Variants in ENPP3 observed in about 807,000 individuals in gnomAD.
ENPP3 encodes the protein ectonucleotide pyrophosphatase/phosphodiesterase 3, also known as ectonucleotide pyrophosphatase/phosphodiesterase family member 3.
In ENPP3, 104 loss-of-function variants were observed where a neutral mutation model predicts 117.8. The ratio of observed to expected loss-of-function variants is 0.88; its 90% CI spans 0.75 to 1.04. ENPP3 has a LOEUF of 1.04. Ranked by LOEUF, ENPP3 falls within the 50% of genes least tolerant of loss-of-function variation. The pLI is 0.00. For missense variants in ENPP3, 1,026 were observed against 1,051.9 expected (o/e 0.98, Z 0.34); for synonymous variants, 380 against 349.9 (o/e 1.09, Z -0.96).
chr6:131,702,146 G>A (rs1234776303), intron 15 of ENPP3, among the ~76,000 whole-genome samples: 1 of 151,970 alleles, frequency 6.6e-6, no homozygotes, highest in Non-Finnish European at 1.5e-5. Context: ...TTCCTTGGTC[G>A]TATTATTCAG....
At chr6:131,725,495 T>C (rs1364006969) in intron 19 of ENPP3, among the ~76,000 whole-genome samples, 4 of 152,240 alleles carry the variant, frequency 2.6e-5, no homozygotes, top group Non-Finnish European at 4.4e-5. Context: ...CATGGGGGTC[T>C]TATATCATGC....
At chr6:131,742,345 G>C (rs1020346788) in intron 24 of ENPP3, among the ~76,000 whole-genome samples, 3 of 152,204 alleles carry the variant, frequency 2.0e-5, no homozygotes, top group Admixed American at 6.5e-5. Context: ...GGATTAAACA[G>C]TTCGTTATTA....
At chr6:131,735,532 A>G (rs1780377504) in intron 21 of ENPP3, among the ~76,000 whole-genome samples, 1 of 152,180 alleles carries the variant, frequency 6.6e-6, no homozygotes, top group African/African-American at 2.4e-5. Flanking sequence ...AGGCAGGAGG[A>G]TCGCTTGAGT....
At position 131,675,043 on chromosome 6, in the gene ENPP3, A is replaced by G. The variant is rs750206667; in HGVS notation, c.763-37A>G. On this transcript the variant is annotated intron_variant, in intron 8 of 24. Coordinates refer to ENST00000357639, the MANE Select transcript of ENPP3 (RefSeq NM_005021.5). ...AAGGTACACCATTTCTACCCAAAGTAATTACTGACTTTCGCTTATCCTAAA... is the reference window on the plus strand; with the variant it reads ...AAGGTACACCATTTCTACCCAAAGTGATTACTGACTTTCGCTTATCCTAAA... 7 of 1,226,680 alleles carry G rather than the reference A, an allele frequency of 5.7e-6. No individual in the cohort carries two copies. The South Asian group carries it at 7.2e-5, about 13-fold the overall frequency. The allele number at this position is 1,226,680 out of a possible 1,614,324, so 76.0% of individuals were successfully genotyped here.
intron 12 of ENPP3, among the ~76,000 whole-genome samples, chr6:131,684,462 C>T (rs1443329753): frequency 6.6e-6 from 1 of 152,066 alleles, no homozygotes; most frequent in Non-Finnish European, 1.5e-5. Flanking sequence ...GGTGGATCAC[C>T]TGAGGTCAGG....
At chr6:131,684,012 A>C (rs1401076913) in intron 12 of ENPP3, among the ~76,000 whole-genome samples, 1 of 152,084 alleles carries the variant, frequency 6.6e-6, no homozygotes, top group Non-Finnish European at 1.5e-5. Context: ...CGGCCTCCCA[A>C]AGTGCTGGGA....
chr6:131,692,217 T>G (rs1779296248), intron 14 of ENPP3, among the ~76,000 whole-genome samples: 1 of 152,144 alleles, frequency 6.6e-6, no homozygotes, highest in African/African-American at 2.4e-5. Context: ...TTCTTCTTGT[T>G]TCTCAAAATG....
chr6:131,685,433 A>C lies in ENPP3; in HGVS notation c.1190A>C (p.Tyr397Ser). 1 of 1,613,808 alleles carries C rather than the reference A, an allele frequency of 6.2e-7. No individual in the cohort carries two copies. Among genetic ancestry groups the C allele is most frequent in the Non-Finnish European group, 8.5e-7 (1 of 1,179,688 alleles). ...TATTTTCCCAGAATAAACTTCTTCT[A>C]CATGTACGAAGGGCCTGCCCCCCGC... ...TDYFPRINFF[Y>S]MYEGPAPRIR... is the part of the protein sequence containing the mutation. Residue 397 changes from tyrosine (Y) to serine (S), a missense_variant, in exon 13 of 25, where the codon TAC becomes TCC. Coordinates refer to ENST00000357639, the MANE Select transcript of ENPP3 (RefSeq NM_005021.5).
intron 17 of ENPP3, among the ~76,000 whole-genome samples, chr6:131,721,296 G>A (rs1323535071): frequency 6.6e-6 from 1 of 152,194 alleles, no homozygotes; most frequent in Non-Finnish European, 1.5e-5. Flanking sequence ...CTCTCTTAAT[G>A]TTGTCACTGG....
At chr6:131,722,711 T>A (rs73777790) in intron 18 of ENPP3, among the ~76,000 whole-genome samples, 1,596 of 152,314 alleles carry the variant, frequency 0.01, 21 homozygotes, top group African/African-American at 0.033. Context: ...CAACTTTCCT[T>A]ATAAACCATT....
chr6:131,717,346 CG>C (rs1183549477), intron 15 of ENPP3, among the ~76,000 whole-genome samples: 9 of 91,236 alleles, frequency 9.9e-5, no homozygotes, highest in African/African-American at 2.9e-4. Flanking sequence ...AGAAACCCTG[CG>C]GGGGGTGTGT....
intron 20 of ENPP3, among the ~76,000 whole-genome samples, chr6:131,729,462 A>T (rs879639262): frequency 6.6e-6 from 1 of 152,218 alleles, no homozygotes; most frequent in African/African-American, 2.4e-5. Flanking sequence ...AAGTACAAGC[A>T]GCTCACGTTC....
chr6:131,685,401 G>T lies in ENPP3; in HGVS notation c.1158G>T (p.Met386Ile). 1 of 1,612,404 alleles carries T rather than the reference G, an allele frequency of 6.2e-7. No individual in the cohort carries two copies. The highest frequency in any genetic ancestry group is 1.1e-5 in the South Asian group (1 of 90,960). The change falls in exon 13 of 25, where the codon ATG becomes ATT. Residue 386 changes from methionine to isoleucine, a missense_variant. Physicochemically the swap from Met to Ile is conservative, Grantham distance 10. Coordinates refer to ENST00000357639, the MANE Select transcript of ENPP3 (RefSeq NM_005021.5). ...DQTYCNKMEY[M>I]TDYFPRINFF... is the part of the protein sequence containing the mutation. ...CTTATTGTAACAAGATGGAATACATGACTGATTATTTTCCCAGAATAAACT... is the reference window on the plus strand; with the variant it reads ...CTTATTGTAACAAGATGGAATACATTACTGATTATTTTCCCAGAATAAACT...
chr6:131,640,808 TTAATC>T (rs1413155236), intron 1 of ENPP3, among the ~76,000 whole-genome samples: 1 of 152,194 alleles, frequency 6.6e-6, no homozygotes, highest in Non-Finnish European at 1.5e-5. Context: ...ATATCATAGT[TTAATC>T]TAATCATAGC....
chr6:131,639,309 C>T (rs1429684759), intron 1 of ENPP3, among the ~76,000 whole-genome samples: 5 of 126,382 alleles, frequency 4.0e-5, no homozygotes, highest in Admixed American at 9.4e-5. Flanking sequence ...GACATGTTCT[C>T]GCTCTGTTGC....
At chr6:131,730,547 A>G (rs1780254099) in intron 20 of ENPP3, among the ~76,000 whole-genome samples, 1 of 152,192 alleles carries the variant, frequency 6.6e-6, no homozygotes, top group African/African-American at 2.4e-5. Context: ...GTGTCTCAAC[A>G]TGTTTTTACT....
At chr6:131,717,084 C>T (rs150951720) in intron 15 of ENPP3, among the ~76,000 whole-genome samples, 10 of 152,220 alleles carry the variant, frequency 6.6e-5, no homozygotes, top group South Asian at 2.1e-4. Flanking sequence ...AACTTAATTT[C>T]CTTCTGAATC....
chr6:131,694,841 CAAA>C (rs10535185), intron 15 of ENPP3, among the ~76,000 whole-genome samples: 31 of 97,522 alleles, frequency 3.2e-4, no homozygotes, highest in South Asian at 9.6e-4. Flanking sequence ...TTGATTCCAT[CAAA>C]AAAAAAAAAA....
Position 131,679,070 on chromosome 6 carries a change from T to C in ENPP3, c.1011+1130T>C, listed in dbSNP as rs879723733. On this transcript the variant is annotated intron_variant, in intron 11 of 24. Coordinates refer to ENST00000357639, the MANE Select transcript of ENPP3 (RefSeq NM_005021.5). ...CTTTCTTTCTTTCTTTCTTTCTTTC[T>C]TTCTTTCTTTCTTTCTTTTCTTCTT... is the stretch of plus-strand genomic sequence containing the variant. 1.1e-3 allele frequency among the ~76,000 whole-genome samples: 151 copies of C among 135,040 alleles called. 4 individuals are homozygous for C. The highest frequency in any genetic ancestry group is 3.4e-3 in the African/African-American group (113 of 32,986). 88.6% of individuals were successfully genotyped at this position (135,040 alleles called of 152,430 possible).
Sources: gnomAD v4.1 joint callset for allele counts (sites outside exome capture counted in the v4.1 genomes callset) on GRCh38, gnomAD v4.1.1 for gene constraint, MANE v1.5 for transcripts, NCBI Gene and HGNC (gene_info 2026-07-23, HGNC 2026-07-21) for gene names.